TMEM164: variants seen among roughly 807,000 people sequenced by gnomAD.
TMEM164 encodes RP13-360B22.2.
TMEM164 carries 4 observed loss-of-function variants against 18.8 expected under a neutral mutation model. The ratio of observed to expected loss-of-function variants is 0.21; its 90% CI spans 0.10 to 0.49. The LOEUF (loss-of-function observed/expected upper bound fraction) is 0.49. Ranked by LOEUF, TMEM164 falls within the 20% of genes least tolerant of loss-of-function variation. TMEM164 has a pLI of 0.98. For missense variants in TMEM164, 108 were observed against 239.9 expected (o/e 0.45, Z 3.63); for synonymous variants, 86 against 101.7 (o/e 0.85, Z 0.93).
At chrX:110,115,132 T>TA (rs2066342529) in intron 4 of TMEM164, among the ~76,000 whole-genome samples, 1 of 112,026 alleles carries the variant, frequency 8.9e-6, no homozygotes, top group Non-Finnish European at 1.9e-5. Flanking sequence ...ACACACCTTG[T>TA]ACCCATGTGT....
rs1162011807 is a variant in TMEM164 at position 110,003,794 on chromosome X, A to G, written c.20A>G (p.Gln7Arg). 6.6e-6 allele frequency: 8 copies of G among 1,203,861 alleles called. No homozygotes were observed. The highest frequency in any genetic ancestry group is 2.2e-5 in the Admixed American group (1 of 44,930). The change falls in exon 2 of 7, where the codon CAG becomes CGG. Residue 7 changes from glutamine (Q) to arginine (R), a missense_variant. Coordinates refer to ENST00000372068, the MANE Select transcript of TMEM164 (RefSeq NM_032227.4). ...TGCATCATGTCCCGGTATAGCTACC[A>G]GAGTCTCCTGGACTGGCTCTATGGG... is the stretch of plus-strand genomic sequence containing the variant. MSRYSY[Q>R]SLLDWLYGGV... is the part of the protein sequence containing the mutation.
intron 2 of TMEM164, among the ~76,000 whole-genome samples, chrX:110,030,402 G>T (rs1406691885): frequency 9.4e-6 from 1 of 106,932 alleles, no homozygotes; most frequent in Non-Finnish European, 1.9e-5. Flanking sequence ...TTATGGGCAT[G>T]AGCCATCGCA....
chrX:110,081,763 A>G (rs934679644), intron 3 of TMEM164, among the ~76,000 whole-genome samples: 1 of 112,331 alleles, frequency 8.9e-6, no homozygotes, highest in African/African-American at 3.2e-5. Context: ...TCATATACCT[A>G]TCTCTCTTGC....
At chrX:110,098,843 C>T (rs2066063100) in intron 3 of TMEM164, among the ~76,000 whole-genome samples, 1 of 105,651 alleles carries the variant, frequency 9.5e-6, no homozygotes, top group South Asian at 4.3e-4. Context: ...GCCACCCAGG[C>T]GTGATCTTGG....
chrX:110,027,297 ATAT>A (rs1314838416), intron 2 of TMEM164, among the ~76,000 whole-genome samples: 2 of 111,912 alleles, frequency 1.8e-5, no homozygotes, highest in Non-Finnish European at 3.8e-5. Flanking sequence ...TGAGATGATC[ATAT>A]TGCTTTTGTT....
intron 5 of TMEM164, among the ~76,000 whole-genome samples, chrX:110,151,652 G>A (rs956098973): frequency 9.0e-6 from 1 of 110,961 alleles, no homozygotes; most frequent in Non-Finnish European, 1.9e-5. Flanking sequence ...GTGGTGGTGC[G>A]CATGCCCGTA....
chrX:110,067,695 A>AG (rs1458243085), intron 3 of TMEM164, among the ~76,000 whole-genome samples: 1 of 112,247 alleles, frequency 8.9e-6, no homozygotes, highest in Non-Finnish European at 1.9e-5. Flanking sequence ...AGAGCATGCT[A>AG]GGGGCCAGAC....
intron 6 of TMEM164, among the ~76,000 whole-genome samples, 175 bp downstream of exon 6, chrX:110,171,695 C>T (rs1185382865): frequency 8.9e-6 from 1 of 112,338 alleles, no homozygotes; most frequent in Non-Finnish European, 1.9e-5. Flanking sequence ...TTGGCCTCTC[C>T]AAAGAGTTTT....
At chrX:110,078,490 G>T (rs1007285412) in intron 3 of TMEM164, among the ~76,000 whole-genome samples, 21 of 112,011 alleles carry the variant, frequency 1.9e-4, no homozygotes, top group African/African-American at 6.5e-4. Context: ...CATTGCTGTG[G>T]AGCTAGTGTG....
downstream of TMEM164, among the ~76,000 whole-genome samples, chrX:110,180,966 G>T (rs933766384): frequency 9.0e-6 from 1 of 111,602 alleles, no homozygotes; most frequent in Non-Finnish European, 1.9e-5. Flanking sequence ...AAGACCTTGG[G>T]CTCTCTAGTA....
intron 5 of TMEM164, among the ~76,000 whole-genome samples, chrX:110,145,813 G>A (rs2066845397): frequency 1.8e-5 from 2 of 111,685 alleles, no homozygotes; most frequent in Non-Finnish European, 3.8e-5. Context: ...CAGGCATTCC[G>A]GCAGATCTTA....
intron 2 of TMEM164, among the ~76,000 whole-genome samples, chrX:110,061,284 A>G (rs1343269879): frequency 8.9e-6 from 1 of 112,463 alleles, no homozygotes; most frequent in Non-Finnish European, 1.9e-5. Flanking sequence ...CTTGTGAGAC[A>G]TAGATACTAT....
intron 3 of TMEM164, among the ~76,000 whole-genome samples, chrX:110,106,288 T>C (rs1032475170): frequency 4.5e-5 from 5 of 111,339 alleles, no homozygotes; most frequent in African/African-American, 1.6e-4. Flanking sequence ...AGATTTAACT[T>C]TTGGTGTCCA....
intron 2 of TMEM164, among the ~76,000 whole-genome samples, chrX:110,038,464 T>C (rs1206042907): frequency 9.0e-6 from 1 of 111,126 alleles, no homozygotes; most frequent in Non-Finnish European, 1.9e-5. Context: ...AGCCTCCCTT[T>C]TGGGAAAACA....
intron 2 of TMEM164, among the ~76,000 whole-genome samples, chrX:110,059,235 G>A (rs1165745031): frequency 9.0e-6 from 1 of 111,345 alleles, no homozygotes; most frequent in Non-Finnish European, 1.9e-5. Context: ...TTGTTGAAGA[G>A]ACTGTTCTTT....
At position 110,094,968 on chromosome X, in the gene TMEM164, G is replaced by T. The variant is rs779671437; in HGVS notation, c.441-14112G>T. On this transcript the variant is annotated intron_variant, in intron 3 of 6. Coordinates refer to ENST00000372068, the MANE Select transcript of TMEM164 (RefSeq NM_032227.4). ...AGTTTGGCTGGATATGAAATTCTGG[G>T]TTGAAAATTCTTTTCTTTAAGAATG... 1.8e-3 allele frequency among the ~76,000 whole-genome samples: 205 copies of T among 111,720 alleles called. 1 individual carries two copies. Among genetic ancestry groups the T allele is most frequent in the Non-Finnish European group, 3.0e-3 (157 of 53,131 alleles).
At chrX:110,062,680 G>A (rs974487467) in intron 2 of TMEM164, among the ~76,000 whole-genome samples, 11 of 111,956 alleles carry the variant, frequency 9.8e-5, no homozygotes, top group Non-Finnish European at 1.9e-4. Context: ...TAAAATGAAG[G>A]TATTGGAAAA....
chrX:110,110,595 A>G lies in TMEM164; in HGVS notation c.507+1449A>G, dbSNP rs145298594. Among the ~76,000 whole-genome samples the G allele has an allele frequency of 2.5e-3, 276 of 112,332 alleles. 1 individual carries two copies. The highest frequency in any genetic ancestry group is 8.1e-3 in the African/African-American group (249 of 30,898). On this transcript the variant is annotated intron_variant, in intron 4 of 6. Transcript: ENST00000372068. ...AGTTGAGAACCACTGATTTCATGCA[A>G]TGATTCTGAAACGTAATGTTCATAG...
chrX:110,115,236 A>G (rs187593486), intron 4 of TMEM164, among the ~76,000 whole-genome samples: 57 of 112,438 alleles, frequency 5.1e-4, no homozygotes, highest in Non-Finnish European at 9.9e-4. Flanking sequence ...GTTGACCTAG[A>G]AAAGTTATTT....
Sources: gnomAD v4.1 joint callset for allele counts (sites outside exome capture counted in the v4.1 genomes callset) on GRCh38, gnomAD v4.1.1 for gene constraint, MANE v1.5 for transcripts, NCBI Gene and HGNC (gene_info 2026-07-23, HGNC 2026-07-21) for gene names.